Variants in MAP4K5 observed in about 807,000 individuals in gnomAD.
MAP4K5 encodes mitogen-activated protein kinase kinase kinase kinase 5, also known as MAPK/ERK kinase kinase kinase 5.
Under a neutral mutation model 135.6 loss-of-function variants are expected in MAP4K5, and 82 were observed. The observed-to-expected ratio is 0.60, with a 90% CI of 0.51 to 0.73. The LOEUF (loss-of-function observed/expected upper bound fraction) is 0.73, where lower values mean the gene tolerates loss of function less well. Among genes scored for constraint, MAP4K5 ranks in the 30% least tolerant of loss-of-function variants. The pLI, the probability that MAP4K5 is intolerant of heterozygous loss-of-function variation, is 0.00. For synonymous variants in MAP4K5, 347 were observed against 335.0 expected, an observed-to-expected ratio of 1.04 and a Z score of -0.39; for missense variants, 907 against 1,010.9, an observed-to-expected ratio of 0.90 and a Z score of 1.39.
chr14:50,542,199 C>T (rs1326679935), intron 2 of MAP4K5, among the ~76,000 whole-genome samples: 1 of 146,880 alleles, frequency 6.8e-6, no homozygotes, highest in Non-Finnish European at 1.5e-5. Context: ...AGTTACCCTG[C>T]ATGTTCTCAC....
At chr14:50,535,935 C>A (rs571694267), upstream of MAP4K5, among the ~76,000 whole-genome samples, 79 of 152,288 alleles carry the variant, frequency 5.2e-4, no homozygotes, top group African/African-American at 1.9e-3. Flanking sequence ...ATAACTCTCA[C>A]GAGACCTGAT....
intron 9 of MAP4K5, among the ~76,000 whole-genome samples, chr14:50,473,396 G>C (rs577807068): frequency 1.3e-5 from 2 of 151,878 alleles, no homozygotes; most frequent in Admixed American, 1.3e-4. Context: ...AAAGAAATCC[G>C]TAACTTCTTG....
intron 14 of MAP4K5, 181 bp from the exon 15 acceptor site, chr14:50,449,013 C>T (rs1399060349): frequency 1.9e-6 from 1 of 535,848 alleles, no homozygotes; most frequent in Non-Finnish European, 3.3e-6. Context: ...AAGTAAATAA[C>T]AAAGTGGGAT....
At chr14:50,550,883 G>A (rs1484632289) in intron 1 of MAP4K5, among the ~76,000 whole-genome samples, 1 of 152,010 alleles carries the variant, frequency 6.6e-6, no homozygotes, top group Non-Finnish European at 1.5e-5. Flanking sequence ...AAACCGCTGG[G>A]ATACAGAAAA....
chr14:50,509,580 A>C (rs1595529331), intron 2 of MAP4K5, among the ~76,000 whole-genome samples: 2 of 152,196 alleles, frequency 1.3e-5, no homozygotes, highest in East Asian at 3.8e-4. Context: ...TGATCCAAAG[A>C]AAACAGTAGT....
intron 6 of MAP4K5, 97 bp from the exon 7 acceptor site, chr14:50,476,403 A>T (rs769658952): frequency 4.8e-4 from 269 of 564,080 alleles, no homozygotes; most frequent in Non-Finnish European, 7.3e-4. Flanking sequence ...AAGAAAAACT[A>T]GAATGTCTTT....
intron 1 of MAP4K5, among the ~76,000 whole-genome samples, chr14:50,553,449 A>T (rs2038727771): frequency 6.6e-6 from 1 of 152,050 alleles, no homozygotes. Flanking sequence ...AATTAAAAAA[A>T]AATAGATGTT....
Position 50,419,967 on chromosome 14 carries a change from CT to C in MAP4K5, c.*51del. 1 of 1,271,954 alleles carries C rather than the reference CT, an allele frequency of 7.9e-7. No homozygotes were observed. The highest frequency in any genetic ancestry group is 1.1e-6 in the Non-Finnish European group (1 of 888,192). The allele number at this position is 1,271,954 out of a possible 1,614,324, so 78.8% of individuals were successfully genotyped here. A position where few individuals can be genotyped will look rare whatever the true frequency, so the allele number is the denominator to read the frequency against. ...TTTGTATTGAATTTCCTTATTTTTCCTTTCAATGGAGTATATTCATTTTCCT... is the reference window on the plus strand; with the variant it reads ...TTTGTATTGAATTTCCTTATTTTTCCTTCAATGGAGTATATTCATTTTCCT... On this transcript the variant is annotated 3_prime_UTR_variant, in exon 33 of 33. Coordinates refer to ENST00000682126, the MANE Select transcript of MAP4K5 (RefSeq NM_006575.6).
At chr14:50,423,963 T>G (rs1483008719) in intron 31 of MAP4K5, among the ~76,000 whole-genome samples, 1 of 152,200 alleles carries the variant, frequency 6.6e-6, no homozygotes, top group Admixed American at 6.5e-5. Context: ...TGGTCCCTAC[T>G]GGATTAAGCC....
intron 6 of MAP4K5, among the ~76,000 whole-genome samples, chr14:50,476,685 C>A (rs986086724): frequency 6.6e-6 from 1 of 152,208 alleles, no homozygotes; most frequent in Non-Finnish European, 1.5e-5. Context: ...TGGTCTTGAA[C>A]TCCTGACCTC....
chr14:50,504,902 T>C (rs2037777964), intron 2 of MAP4K5, 45 bp from the exon 3 acceptor site: 1 of 1,264,836 alleles, frequency 7.9e-7, no homozygotes, highest in Non-Finnish European at 1.1e-6. Context: ...TAAAAGCTTG[T>C]TAATTACATT....
At chr14:50,536,445 A>C (rs1436696712), upstream of MAP4K5, among the ~76,000 whole-genome samples, 1 of 140,990 alleles carries the variant, frequency 7.1e-6, no homozygotes, top group Admixed American at 7.1e-5. Context: ...TCAAAAAAAA[A>C]AAAAAAAAAA....
At chr14:50,463,392 G>T (rs540789786) in intron 12 of MAP4K5, among the ~76,000 whole-genome samples, 68 of 152,300 alleles carry the variant, frequency 4.5e-4, no homozygotes, top group African/African-American at 1.6e-3. Flanking sequence ...TAAGGCAGGG[G>T]TCAGCAAACT....
At chr14:50,549,272 A>G (rs1038669133) in intron 1 of MAP4K5, among the ~76,000 whole-genome samples, 5 of 152,248 alleles carry the variant, frequency 3.3e-5, no homozygotes, top group Admixed American at 2.0e-4. Flanking sequence ...CTGACACCAT[A>G]TAACCATATA....
At chr14:50,433,176 T>C (rs1040208036) in intron 28 of MAP4K5, among the ~76,000 whole-genome samples, 3 of 152,198 alleles carry the variant, frequency 2.0e-5, no homozygotes, top group African/African-American at 7.2e-5. Context: ...TATCTCACGA[T>C]AATAAAGCAA....
intron 1 of MAP4K5, among the ~76,000 whole-genome samples, chr14:50,555,430 C>T (rs1218730358): frequency 5.9e-5 from 9 of 152,138 alleles, no homozygotes; most frequent in African/African-American, 1.7e-4. Context: ...TACAGGTGCA[C>T]GCCACCCGTC....
At chr14:50,519,876 C>T (rs1421136763) in intron 2 of MAP4K5, among the ~76,000 whole-genome samples, 3 of 152,068 alleles carry the variant, frequency 2.0e-5, no homozygotes, top group Non-Finnish European at 4.4e-5. Context: ...ACCCAAACAT[C>T]TCTAGCATGT....
intron 14 of MAP4K5, among the ~76,000 whole-genome samples, chr14:50,453,908 C>G (rs547010465): frequency 6.6e-6 from 1 of 152,242 alleles, no homozygotes; most frequent in African/African-American, 2.4e-5. Flanking sequence ...TTGGACTACA[C>G]ATTTGCCCCT....
At chr14:50,472,792 G>A (rs546544291) in intron 9 of MAP4K5, among the ~76,000 whole-genome samples, 3 of 152,120 alleles carry the variant, frequency 2.0e-5, no homozygotes, top group Non-Finnish European at 4.4e-5. Flanking sequence ...AAACAGGTAA[G>A]TTTCCATTTT....
Sources: allele counts gnomAD v4.1 joint callset (sites outside exome capture counted in the v4.1 genomes callset), GRCh38; gene constraint gnomAD v4.1.1; transcripts MANE v1.5; gene names NCBI Gene and HGNC (gene_info 2026-07-23, HGNC 2026-07-21).